The following NPHP3 variants were observed in gnomAD, a reference collection of about 807,000 sequenced individuals.
The protein encoded by NPHP3 is nephrocystin 3, also known as nephrocystin-3.
A neutral mutation model predicts 171.9 loss-of-function variants in NPHP3; 123 were observed. That is an observed-to-expected ratio of 0.72 (90% CI 0.62 to 0.83). The LOEUF (loss-of-function observed/expected upper bound fraction) is 0.83. NPHP3 is among the 40% of genes least tolerant of loss of function. The pLI is 0.00. For synonymous variants in NPHP3, 558 were observed against 579.2 expected (o/e 0.96, Z 0.52); for missense variants, 1,506 against 1,591.9 (o/e 0.95, Z 0.92).
chr3:132,688,180 G>A (rs997461665), intron 21 of NPHP3, among the ~76,000 whole-genome samples: 2 of 152,192 alleles, frequency 1.3e-5, no homozygotes, highest in African/African-American at 4.8e-5. Flanking sequence ...AGTCAAAACT[G>A]TGTTTTATGC....
At chr3:132,691,600 A>C (rs1939301715) in intron 17 of NPHP3, among the ~76,000 whole-genome samples, 1 of 152,180 alleles carries the variant, frequency 6.6e-6, no homozygotes, top group Non-Finnish European at 1.5e-5. Context: ...ACAATAAAGA[A>C]AGGAAAAAGG....
At chr3:132,688,556 G>T in intron 21 of NPHP3, 94 bp downstream of exon 21, 2 of 1,346,488 alleles carry the variant, frequency 1.5e-6, no homozygotes, top group Admixed American at 3.4e-5. Context: ...GTAAGGAAAA[G>T]TACACAGTGA....
Position 132,708,308 on chromosome 3 carries a change from CAGTT to C in NPHP3, c.1119-55_1119-52del, listed in dbSNP as rs751015243. ...TGCTATACTGCATTGTGGCAGCAAG[CAGTT>C]AGTTAATCAACCTAAGTGCCAATAA... On this transcript the variant is annotated intron_variant, in intron 6 of 26. Transcript: ENST00000337331. The C allele has an allele frequency of 4.8e-5, 76 of 1,574,436 alleles. No individual in the cohort carries two copies. The Middle Eastern group carries it at 1.1e-3, about 22-fold the overall frequency.
chr3:132,683,454 T>C lies in NPHP3; in HGVS notation c.3641A>G (p.Lys1214Arg). The change falls in exon 25 of 27, where the codon AAG (lysine) becomes AGG (arginine). Residue 1214 changes from lysine (K) to arginine (R), a missense_variant. By Grantham distance (26) the Lys-to-Arg change is conservative (BLOSUM62 2). This residue lies in a region of NPHP3 where 569 missense variants were observed against 648.1 expected (regional missense o/e 0.88). Transcript: ENST00000337331. ...CAAGGCAGTAGCTACACTAGGGTGC[T>C]TTGGGCCAAAAGATTTCTGTCGAAT... ...VEIRQKSFGP[K>R]HPSVATALVN... 1.2e-6 allele frequency: 2 copies of C among 1,613,320 alleles called. No individual in the cohort carries two copies. Among genetic ancestry groups the C allele is most frequent in the Non-Finnish European group, 1.7e-6 (2 of 1,179,406 alleles).
At chr3:132,700,698 A>G (rs1003906103) in intron 10 of NPHP3, among the ~76,000 whole-genome samples, 5 of 152,220 alleles carry the variant, frequency 3.3e-5, no homozygotes, top group African/African-American at 1.2e-4. Flanking sequence ...AGTACTTTAC[A>G]TATGAGGGTA....
At chr3:132,711,303 T>C (rs900717108) in intron 6 of NPHP3, among the ~76,000 whole-genome samples, 1 of 152,112 alleles carries the variant, frequency 6.6e-6, no homozygotes, top group Non-Finnish European at 1.5e-5. Context: ...TAAGAAAAGT[T>C]TAAGTAAAAT....
At position 132,710,971 on chromosome 3, in the gene NPHP3, G is replaced by A. The variant is rs373443877; in HGVS notation, c.1118+2155C>T. Among the ~76,000 whole-genome samples, 29 of 152,360 alleles carry A rather than the reference G, an allele frequency of 1.9e-4. No individual in the cohort carries two copies. In the East Asian group the frequency reaches 4.6e-3, roughly 24 times the overall value. On this transcript the variant is annotated intron_variant, in intron 6 of 26. Coordinates refer to ENST00000337331, the MANE Select transcript of NPHP3 (RefSeq NM_153240.5). ...TTCATACATCAAAACCATACATTTT[G>A]AGCTTCATAATTTCTTATAAGAGGC... is the stretch of plus-strand genomic sequence containing the variant.
rs1940133926 is a variant in NPHP3, at chr3:132,719,105, G to A, written c.559C>T (p.Leu187=). 1.2e-6 allele frequency: 2 copies of A among 1,613,466 alleles called. No homozygotes were observed. Among genetic ancestry groups the A allele is most frequent in the Non-Finnish European group, 1.7e-6 (2 of 1,179,618 alleles). ...ETKENEIQDL[L]RAKRELESKL... Reference sequence around the variant, plus strand: ...CTCTCCAACTCCCTCTTGGCCCTCAGTAAGTCCTGAATTTCATTTTCTTTG... The same window carrying A: ...CTCTCCAACTCCCTCTTGGCCCTCAATAAGTCCTGAATTTCATTTTCTTTG... The change falls in exon 3 of 27, where the codon CTG becomes TTG. Residue 187 remains leucine, a synonymous_variant. Coordinates refer to ENST00000337331, the MANE Select transcript of NPHP3 (RefSeq NM_153240.5).
Position 132,687,040 on chromosome 3 carries a change from A to G in NPHP3, c.3201+111T>C, listed in dbSNP as rs565672581. On this transcript the variant is annotated intron_variant, in intron 22 of 26. Coordinates refer to ENST00000337331, the MANE Select transcript of NPHP3 (RefSeq NM_153240.5). ...AAAATGTTAAGTAGTTCTCTTCTAAAAAACTAGAAGATTTTAAAATCTAAA... is the reference window on the plus strand; with the variant it reads ...AAAATGTTAAGTAGTTCTCTTCTAAGAAACTAGAAGATTTTAAAATCTAAA... 1.4e-5 allele frequency: 9 copies of G among 631,374 alleles called. No homozygotes were observed. In the East Asian group the frequency reaches 2.3e-4, roughly 16 times the overall value. 39.1% of individuals were successfully genotyped at this position (631,374 alleles called of 1,614,324 possible). A position where few individuals can be genotyped will look rare whatever the true frequency, so the allele number is the denominator to read the frequency against.
rs79113972 is a variant in NPHP3, at chr3:132,699,912, C to T, written c.1887+6G>A. 1.2e-3 allele frequency: 1,872 copies of T among 1,613,876 alleles called. 21 individuals are homozygous for T. In the African/African-American group the frequency reaches 0.021, roughly 18 times the overall value. The stretch of plus-strand genomic sequence containing the variant: ...ATATCAATAGGTAACAAATGGAAAA[C>T]GGTACCTGAACTTGATCTATAGAAT... On this transcript the variant is annotated splice_donor_region_variant and intron_variant, in intron 12 of 26. Coordinates refer to ENST00000337331, the MANE Select transcript of NPHP3 (RefSeq NM_153240.5).
intron 5 of NPHP3, among the ~76,000 whole-genome samples, chr3:132,713,836 G>C (rs894578842): frequency 4.6e-5 from 7 of 152,144 alleles, no homozygotes; most frequent in African/African-American, 1.7e-4. Flanking sequence ...GAAGCTTTGG[G>C]CTTTAAAATA....
In NPHP3 at chr3:132,716,815, G is replaced by A. The variant is rs2108000118; in HGVS notation, c.765C>T (p.Gly255=). The A allele has an allele frequency of 6.2e-7, 1 of 1,614,116 alleles. No homozygotes were observed. The highest frequency in any genetic ancestry group is 8.5e-7 in the Non-Finnish European group (1 of 1,179,990). The change falls in exon 4 of 27, where the codon GGC becomes GGT. Residue 255 remains glycine (G), a synonymous_variant. Coordinates refer to ENST00000337331, the MANE Select transcript of NPHP3 (RefSeq NM_153240.5). ...CTATAGAACTATGGGCAAACTCAGG[G>A]CCTCTGAAGGACTGCTGAAGCTGGA... ...SMIQLQQSFR[G]PEFAHSSIDV...
At chr3:132,691,974 G>T (rs1320484198) in intron 17 of NPHP3, among the ~76,000 whole-genome samples, 6 of 152,138 alleles carry the variant, frequency 3.9e-5, no homozygotes, top group African/African-American at 1.4e-4. Context: ...CAATGTTTTG[G>T]TCAACAACAA....
At chr3:132,699,246 C>A in intron 13 of NPHP3, 107 bp downstream of exon 13, 2 of 755,358 alleles carry the variant, frequency 2.6e-6, no homozygotes, top group East Asian at 2.7e-5. Context: ...ATCCTCACTG[C>A]AAGTTACATA....
chr3:132,684,078 C>T (rs1939097700), intron 24 of NPHP3, among the ~76,000 whole-genome samples: 1 of 152,164 alleles, frequency 6.6e-6, no homozygotes, highest in East Asian at 1.9e-4. Context: ...CCAAATATCA[C>T]TCAGTATAGA....
Position 132,715,236 on chromosome 3 carries a change from C to T in NPHP3, c.824-18G>A, listed in dbSNP as rs1242312807. 2 of 1,609,060 alleles carry T rather than the reference C, an allele frequency of 1.2e-6. No homozygotes were observed. The highest frequency in any genetic ancestry group is 8.5e-7 in the Non-Finnish European group (1 of 1,176,140). Reference sequence around the variant, plus strand: ...CCAGTCATCTGAAAATAAAATTTCTCAAGTTCATGAAAAAATTACCAGAAC... The same window carrying T: ...CCAGTCATCTGAAAATAAAATTTCTTAAGTTCATGAAAAAATTACCAGAAC... On this transcript the variant is annotated intron_variant, in intron 4 of 26. Transcript: ENST00000337331.
chr3:132,718,846 G>C, intron 3 of NPHP3, 148 bp downstream of exon 3: 1 of 770,850 alleles, frequency 1.3e-6, no homozygotes, highest in Admixed American at 2.2e-5. Context: ...GCAGCTGACA[G>C]AGAGAACACA....
At chr3:132,718,780 G>A (rs1352841221) in intron 3 of NPHP3, among the ~76,000 whole-genome samples, 1 of 152,202 alleles carries the variant, frequency 6.6e-6, no homozygotes, top group East Asian at 1.9e-4. Flanking sequence ...AGAGTGACAA[G>A]GTAGAAGGAA....
At chr3:132,685,877 C>G (rs1939142719) in intron 23 of NPHP3, 4 of 260,046 alleles carry the variant, frequency 1.5e-5, no homozygotes, top group South Asian at 1.3e-4. Context: ...CAGTGAAACC[C>G]TGTCTCTACT....
Sources: gnomAD v4.1 joint callset for allele counts (sites outside exome capture counted in the v4.1 genomes callset) on GRCh38, gnomAD v4.1.1 for gene constraint, gnomAD v4.1.1 regional missense constraint, MANE v1.5 for transcripts, NCBI Gene and HGNC (gene_info 2026-07-23, HGNC 2026-07-21) for gene names.